The following HIVEP1 variants were observed in gnomAD, a reference collection of about 807,000 sequenced individuals.
HIVEP1 encodes HIVEP zinc finger 1, also known as zinc finger protein 40.
Under a neutral mutation model 180.0 loss-of-function variants are expected in HIVEP1, and 36 were observed. That is an observed-to-expected ratio of 0.20 (90% CI 0.15 to 0.26). HIVEP1 has a LOEUF of 0.26. HIVEP1 is among the 10% of genes least tolerant of loss of function. The probability of loss-of-function intolerance (pLI) is 1.00; values close to 1 mark genes in which losing one functional copy is unlikely to be tolerated. For missense variants in HIVEP1, 3,143 were observed against 3,268.7 expected (o/e 0.96, Z 0.94); for synonymous variants, 1,239 against 1,239.0 (o/e 1.00, Z 0.00).
At chr6:12,076,717 C>G (rs1772375768) in intron 2 of HIVEP1, among the ~76,000 whole-genome samples, 1 of 152,084 alleles carries the variant, frequency 6.6e-6, no homozygotes, top group Admixed American at 6.6e-5. Context: ...ACCCTGCCTC[C>G]CATTGCTGTT....
At position 12,130,858 on chromosome 6, in the gene HIVEP1, A is replaced by G; in HGVS notation, c.6301A>G (p.Ser2101Gly). ...EECGIRCKKP[S>G]MLKKHIRTHT... ...ATGTGGAATACGTTGTAAGAAACCT[A>G]GCATGTTAAAGAAACACATACGAAC... Residue 2101 changes from serine (S) to glycine (G), a missense_variant, in exon 6 of 9, where the codon AGC (serine) becomes GGC (glycine). By Grantham distance (56) the Ser-to-Gly change is moderately conservative. This residue lies in a region of HIVEP1 where 126 missense variants were observed against 168.5 expected (regional missense o/e 0.75). Coordinates refer to ENST00000379388, the MANE Select transcript of HIVEP1 (RefSeq NM_002114.4). The G allele has an allele frequency of 1.9e-6, 3 of 1,612,778 alleles. No homozygotes were observed. The highest frequency in any genetic ancestry group is 8.5e-7 in the Non-Finnish European group (1 of 1,178,778).
intron 2 of HIVEP1, among the ~76,000 whole-genome samples, chr6:12,067,716 C>T (rs1007411219): frequency 7.9e-5 from 12 of 152,002 alleles, no homozygotes; most frequent in Admixed American, 2.0e-4. Context: ...CCTGTCCTCC[C>T]CAGACCATGC....
chr6:12,195,851 A>G, the HIVEP1 span, among the ~76,000 whole-genome samples: 5 of 152,250 alleles, frequency 3.3e-5, no homozygotes, highest in Non-Finnish European at 7.3e-5. Context: ...GTATCTGAAT[A>G]TATAAAGAAG....
the HIVEP1 span, among the ~76,000 whole-genome samples, chr6:12,174,864 G>A: frequency 1.4e-5 from 2 of 147,570 alleles, no homozygotes; most frequent in Non-Finnish European, 3.0e-5. Context: ...CATGCCAAAT[G>A]TATTTGTAAA....
intron 3 of HIVEP1, among the ~76,000 whole-genome samples, chr6:12,092,329 G>A (rs560791881): frequency 2.0e-5 from 3 of 152,198 alleles, no homozygotes; most frequent in South Asian, 2.1e-4. Context: ...CATATTGTAC[G>A]TAGTCTTCTG....
intron 1 of HIVEP1, among the ~76,000 whole-genome samples, chr6:12,014,162 A>G (rs1297445946): frequency 6.6e-6 from 1 of 152,238 alleles, no homozygotes; most frequent in Non-Finnish European, 1.5e-5. Context: ...AGAGAGGTTA[A>G]GTAACCTGAA....
chr6:12,129,736 G>A, intron 4 of HIVEP1, 23 bp from the exon 5 acceptor site: 1 of 1,575,204 alleles, frequency 6.3e-7, no homozygotes, highest in Non-Finnish European at 8.7e-7. Context: ...TATTAAATTA[G>A]TTTCTCTCTT....
intron 2 of HIVEP1, among the ~76,000 whole-genome samples, chr6:12,043,807 A>G (rs921102785): frequency 3.3e-5 from 5 of 152,124 alleles, no homozygotes; most frequent in Non-Finnish European, 7.3e-5. Flanking sequence ...TGTTCGTGGC[A>G]CTTCTGTAAT....
chr6:12,166,852 T>C (rs532457260), downstream of HIVEP1, among the ~76,000 whole-genome samples: 4 of 152,244 alleles, frequency 2.6e-5, no homozygotes, highest in South Asian at 4.1e-4. Context: ...CAGGTGAAAG[T>C]TTTAATGTGT....
intron 3 of HIVEP1, among the ~76,000 whole-genome samples, chr6:12,098,975 G>T (rs1228757750): frequency 6.6e-6 from 1 of 152,158 alleles, no homozygotes; most frequent in Non-Finnish European, 1.5e-5. Flanking sequence ...TTTAAGAAAA[G>T]CGTTGGAAGT....
chr6:12,031,195 A>G (rs1321691599), intron 2 of HIVEP1, among the ~76,000 whole-genome samples: 1 of 152,156 alleles, frequency 6.6e-6, no homozygotes, highest in Non-Finnish European at 1.5e-5. Flanking sequence ...AGCACTTTCA[A>G]ATCACAGGCA....
At chr6:12,081,884 C>G (rs1772811963) in intron 2 of HIVEP1, among the ~76,000 whole-genome samples, 1 of 152,112 alleles carries the variant, frequency 6.6e-6, no homozygotes, top group South Asian at 2.1e-4. Context: ...CACTTCCCTC[C>G]AGGCTTCCCC....
chr6:12,024,433 T>C (rs777398068), intron 2 of HIVEP1, among the ~76,000 whole-genome samples: 60 of 152,176 alleles, frequency 3.9e-4, no homozygotes, highest in Admixed American at 5.2e-4. Flanking sequence ...TCCCTAAGCA[T>C]GAATTGGAAC....
At chr6:12,056,506 ATAT>A (rs1770881657) in intron 2 of HIVEP1, among the ~76,000 whole-genome samples, 1 of 152,170 alleles carries the variant, frequency 6.6e-6, no homozygotes, top group Non-Finnish European at 1.5e-5. Flanking sequence ...TTGAATTTGA[ATAT>A]GCCACTTTAC....
At chr6:12,042,096 G>A (rs1450368736) in intron 2 of HIVEP1, among the ~76,000 whole-genome samples, 1 of 133,356 alleles carries the variant, frequency 7.5e-6, no homozygotes, top group Non-Finnish European at 1.6e-5. Flanking sequence ...TTTTTGAGAC[G>A]GAGTCTCGCT....
chr6:12,132,193 T>C (rs1383892301), intron 6 of HIVEP1, among the ~76,000 whole-genome samples: 3 of 152,186 alleles, frequency 2.0e-5, no homozygotes, highest in Non-Finnish European at 4.4e-5. Context: ...TGATTTTCCT[T>C]CCTGGTCCTG....
intron 3 of HIVEP1, among the ~76,000 whole-genome samples, chr6:12,095,678 A>T (rs938840654): frequency 2.6e-5 from 4 of 151,998 alleles, no homozygotes; most frequent in Non-Finnish European, 5.9e-5. Flanking sequence ...CATAGATTTT[A>T]TGTTAGAAAT....
downstream of HIVEP1, among the ~76,000 whole-genome samples, chr6:12,168,167 ATATC>A (rs1471817185): frequency 6.3e-5 from 6 of 94,520 alleles, 1 homozygote; most frequent in Non-Finnish European, 1.0e-4. Flanking sequence ...ATATACGTGT[ATATC>A]TATATTATAT....
chr6:12,049,231 CAT>C (rs1210983863), intron 2 of HIVEP1, among the ~76,000 whole-genome samples: 1 of 152,178 alleles, frequency 6.6e-6, no homozygotes, highest in Non-Finnish European at 1.5e-5. Flanking sequence ...AGATTAATGA[CAT>C]TTCTTATGTC....
Sources: gnomAD v4.1 joint callset for allele counts (sites outside exome capture counted in the v4.1 genomes callset) on GRCh38, gnomAD v4.1.1 for gene constraint, gnomAD v4.1.1 regional missense constraint, MANE v1.5 for transcripts, NCBI Gene and HGNC (gene_info 2026-07-23, HGNC 2026-07-21) for gene names.